ZNF727: variants seen among roughly 807,000 people sequenced by gnomAD.
ZNF727 encodes zinc finger protein 727.
In ZNF727, 11 loss-of-function variants were observed where a neutral mutation model predicts 11.5. The ratio of observed to expected loss-of-function variants is 0.95; its 90% CI spans 0.60 to 1.58. The LOEUF (loss-of-function observed/expected upper bound fraction) is 1.58, where lower values mean the gene tolerates loss of function less well. ZNF727 is among the 40% of genes most tolerant of loss of function. ZNF727 has a pLI of 0.00. For missense variants in ZNF727, 533 were observed against 581.7 expected (o/e 0.92, Z 0.86); for synonymous variants, 171 against 196.1 (o/e 0.87, Z 1.07).
chr7:64,067,148 C>G (rs1789882099), intron 1 of ZNF727, among the ~76,000 whole-genome samples: 1 of 150,868 alleles, frequency 6.6e-6, no homozygotes, highest in Non-Finnish European at 1.5e-5. Context: ...TGAAAAAAAA[C>G]TCATCATCAC....
chr7:64,071,431 C>T (rs1789960674), intron 3 of ZNF727, among the ~76,000 whole-genome samples: 1 of 151,890 alleles, frequency 6.6e-6, no homozygotes, highest in African/African-American at 2.4e-5. Flanking sequence ...TTTATTTAGT[C>T]CTTGACTTAT....
chr7:64,059,162 G>A (rs1789732701), intron 1 of ZNF727, among the ~76,000 whole-genome samples: 1 of 151,946 alleles, frequency 6.6e-6, no homozygotes, highest in African/African-American at 2.4e-5. Flanking sequence ...TCAGGCTGGT[G>A]TCAAACTCCT....
Position 64,069,446 on chromosome 7 carries a change from A to T in ZNF727, c.131-68A>T, listed in dbSNP as rs1789924071. ...CTATAATGTTCTCTCTTCTCTACTG[A>T]GCATAGTACTAGATTGGTAATCAGA... On this transcript the variant is annotated intron_variant, in intron 2 of 3. Transcript: ENST00000456806. 1.1e-5 allele frequency: 14 copies of T among 1,248,502 alleles called. No homozygotes were observed. The East Asian group carries it at 3.6e-4, about 32-fold the overall frequency. 77.3% of individuals were successfully genotyped at this position (1,248,502 alleles called of 1,614,324 possible). A position where few individuals can be genotyped will look rare whatever the true frequency, so the allele number is the denominator to read the frequency against.
At chr7:64,060,281 C>T (rs1789749595) in intron 1 of ZNF727, among the ~76,000 whole-genome samples, 1 of 152,140 alleles carries the variant, frequency 6.6e-6, no homozygotes, top group Non-Finnish European at 1.5e-5. Context: ...TTTAGAGTGT[C>T]TCTGAGGTTG....
At position 64,081,266 on chromosome 7, in the gene ZNF727, GC is replaced by G. The variant is rs906019471; in HGVS notation, c.*2723del. Among the ~76,000 whole-genome samples the G allele has an allele frequency of 4.6e-5, 7 of 151,998 alleles. No individual in the cohort carries two copies. The highest frequency in any genetic ancestry group is 1.0e-4 in the Non-Finnish European group (7 of 68,020). On this transcript the variant is annotated 3_prime_UTR_variant, in exon 4 of 4. Coordinates refer to ENST00000456806, the MANE Select transcript of ZNF727 (RefSeq NM_001159522.3). ...GTAAAGGTTTTGATGCCTTCTCTGT[GC>G]CCCCCAAGAAGGAATGATTGTTCAG...
In ZNF727 at chr7:64,080,149, T is replaced by A. The variant is rs909899558; in HGVS notation, c.*1600T>A. ...ATGTATCTTGGGGATGACCTTCTCGTGGGGTATATTATTGGGGTTCTCCAC... is the reference window on the plus strand; with the variant it reads ...ATGTATCTTGGGGATGACCTTCTCGAGGGGTATATTATTGGGGTTCTCCAC... On this transcript the variant is annotated 3_prime_UTR_variant, in exon 4 of 4. Coordinates refer to ENST00000456806, the MANE Select transcript of ZNF727 (RefSeq NM_001159522.3). Among the ~76,000 whole-genome samples, 1 of 152,084 alleles carries A rather than the reference T, an allele frequency of 6.6e-6. No individual in the cohort carries two copies.
At chr7:64,058,869 A>G (rs1293839423) in intron 1 of ZNF727, among the ~76,000 whole-genome samples, 2 of 152,022 alleles carry the variant, frequency 1.3e-5, no homozygotes, top group African/African-American at 4.8e-5. Flanking sequence ...AAACGGCTGA[A>G]GTGCCCCATG....
intron 1 of ZNF727, among the ~76,000 whole-genome samples, chr7:64,064,738 G>A (rs1175365455): frequency 6.6e-6 from 1 of 152,148 alleles, no homozygotes; most frequent in Non-Finnish European, 1.5e-5. Context: ...TACTGAAATG[G>A]ACACTTCCTC....
chr7:64,072,416 A>G (rs954517833), intron 3 of ZNF727, among the ~76,000 whole-genome samples: 4 of 152,164 alleles, frequency 2.6e-5, no homozygotes, highest in Admixed American at 2.6e-4. Context: ...AGAGTTCTGC[A>G]GTAGGTTTGG....
chr7:64,078,184 T>C lies in ZNF727; in HGVS notation c.1135T>C (p.Trp379Arg), dbSNP rs2116331527. 3 of 1,597,714 alleles carry C rather than the reference T, an allele frequency of 1.9e-6. No individual in the cohort carries two copies. The East Asian group carries it at 6.9e-5, about 37-fold the overall frequency. ...KCEECGKTFK[W>R]FSDLTNHKRI... ...TGAAGAATGTGGCAAAACCTTTAAG[T>C]GGTTCTCAGACCTGACTAATCATAA... is the stretch of plus-strand genomic sequence containing the variant. The change falls in exon 4 of 4, where the codon TGG (tryptophan) becomes CGG (arginine). Residue 379 changes from tryptophan (W) to arginine (R), a missense_variant. By Grantham distance (101) the Trp-to-Arg change is moderately radical. Transcript: ENST00000456806.
chr7:64,046,723 C>A (rs1041575281), intron 1 of ZNF727, among the ~76,000 whole-genome samples: 2 of 152,148 alleles, frequency 1.3e-5, no homozygotes, highest in African/African-American at 4.8e-5. Context: ...ATAGTAATGC[C>A]AGAACCGATT....
At position 64,082,900 on chromosome 7, in the gene ZNF727, T is replaced by C. The variant is rs191885064; in HGVS notation, c.*4351T>C. 1.3e-5 allele frequency among the ~76,000 whole-genome samples: 2 copies of C among 148,186 alleles called. No individual in the cohort carries two copies. Among genetic ancestry groups the C allele is most frequent in the Admixed American group, 1.3e-4 (2 of 14,872 alleles). On this transcript the variant is annotated 3_prime_UTR_variant, in exon 4 of 4. Coordinates refer to ENST00000456806, the MANE Select transcript of ZNF727 (RefSeq NM_001159522.3). ...CGTCTCAAAAAAAAAAAAGAAAGAATGCAGTCTAGCCACATTTTTGTAGGA... is the reference window on the plus strand; with the variant it reads ...CGTCTCAAAAAAAAAAAAGAAAGAACGCAGTCTAGCCACATTTTTGTAGGA...
At chr7:64,061,627 C>T (rs1455533869) in intron 1 of ZNF727, among the ~76,000 whole-genome samples, 1 of 151,772 alleles carries the variant, frequency 6.6e-6, no homozygotes, top group Non-Finnish European at 1.5e-5. Flanking sequence ...TATTTTTACC[C>T]ATTTGGCCAA....
chr7:64,078,568 C>A lies in ZNF727; in HGVS notation c.*19C>A. On this transcript the variant is annotated 3_prime_UTR_variant, in exon 4 of 4. Coordinates refer to ENST00000456806, the MANE Select transcript of ZNF727 (RefSeq NM_001159522.3). ...AAGGTAATTCATACTGGAGATAAAC[C>A]TTACAAATGTAATGAATGTGGAAAA... 1 of 1,555,146 alleles carries A rather than the reference C, an allele frequency of 6.4e-7. No homozygotes were observed. Among genetic ancestry groups the A allele is most frequent in the Non-Finnish European group, 8.7e-7 (1 of 1,148,960 alleles).
chr7:64,062,629 C>T (rs1008176067), intron 1 of ZNF727, among the ~76,000 whole-genome samples: 1 of 139,618 alleles, frequency 7.2e-6, no homozygotes, highest in African/African-American at 2.6e-5. Context: ...TAAAGACCTT[C>T]AGGTGGTCAT....
chr7:64,053,146 C>T (rs532370305), intron 1 of ZNF727, among the ~76,000 whole-genome samples: 19 of 152,110 alleles, frequency 1.2e-4, no homozygotes, highest in South Asian at 8.3e-4. Flanking sequence ...AGGAAGGGTA[C>T]GGGGCAGAAT....
At chr7:64,058,182 G>C (rs192783319) in intron 1 of ZNF727, among the ~76,000 whole-genome samples, 1 of 152,260 alleles carries the variant, frequency 6.6e-6, no homozygotes, top group Admixed American at 6.5e-5. Context: ...GGAGACTCCA[G>C]GTGTCTCAGA....
At chr7:64,047,825 G>A (rs1176902211) in intron 1 of ZNF727, among the ~76,000 whole-genome samples, 1 of 152,218 alleles carries the variant, frequency 6.6e-6, no homozygotes, top group Non-Finnish European at 1.5e-5. Flanking sequence ...GGTATTGAGG[G>A]AAAAAGGCAC....
chr7:64,080,328 C>A lies in ZNF727; in HGVS notation c.*1779C>A, dbSNP rs186962612. Reference sequence around the variant, plus strand: ...GGTTTATTTACATAATCTGTTATTTCTTGGAGGTTTTGTTCATTCCTCTTT... The same window carrying A: ...GGTTTATTTACATAATCTGTTATTTATTGGAGGTTTTGTTCATTCCTCTTT... On this transcript the variant is annotated 3_prime_UTR_variant, in exon 4 of 4. Coordinates refer to ENST00000456806, the MANE Select transcript of ZNF727 (RefSeq NM_001159522.3). Among the ~76,000 whole-genome samples the A allele has an allele frequency of 2.3e-4, 35 of 152,204 alleles. No individual in the cohort carries two copies. Among genetic ancestry groups the A allele is most frequent in the Middle Eastern group, 3.4e-3 (1 of 294 alleles).
Sources: gnomAD v4.1 joint callset for allele counts (sites outside exome capture counted in the v4.1 genomes callset) on GRCh38, gnomAD v4.1.1 for gene constraint, MANE v1.5 for transcripts, NCBI Gene and HGNC (gene_info 2026-07-23, HGNC 2026-07-21) for gene names.